RBMS3: variants seen among roughly 807,000 people sequenced by gnomAD.
The protein encoded by RBMS3 is RNA-binding motif, single-stranded-interacting protein 3.
RBMS3 carries 27 observed loss-of-function variants against 66.8 expected under a neutral mutation model. That is an observed-to-expected ratio of 0.40 (90% CI 0.30 to 0.56). The LOEUF is 0.56. RBMS3 is among the 20% of genes least tolerant of loss of function. RBMS3 has a pLI of 0.40. For synonymous variants in RBMS3, 188 were observed against 183.0 expected (o/e 1.03, Z -0.22); for missense variants, 513 against 549.5 (o/e 0.93, Z 0.66).
intron 2 of RBMS3, among the ~76,000 whole-genome samples, chr3:29,436,382 T>C (rs2041404406): frequency 6.6e-6 from 1 of 152,190 alleles, no homozygotes; most frequent in Non-Finnish European, 1.5e-5. Flanking sequence ...TGCCTTGATT[T>C]GTGAAAAAGG....
chr3:29,474,332 T>C (rs1252941053), intron 2 of RBMS3, among the ~76,000 whole-genome samples: 1 of 152,226 alleles, frequency 6.6e-6, no homozygotes, highest in Non-Finnish European at 1.5e-5. Context: ...GTTCTATTAT[T>C]AATAAGCATT....
At chr3:29,632,256 C>T (rs1317919905) in intron 4 of RBMS3, among the ~76,000 whole-genome samples, 1 of 151,746 alleles carries the variant, frequency 6.6e-6, no homozygotes, top group East Asian at 1.9e-4. Context: ...CATTTAAATA[C>T]CCAGTATGAG....
chr3:29,718,914 G>A (rs778577002), intron 4 of RBMS3, among the ~76,000 whole-genome samples: 7 of 152,206 alleles, frequency 4.6e-5, no homozygotes, highest in Non-Finnish European at 1.0e-4. Flanking sequence ...TTTAATGACA[G>A]CATTCCTCCG....
intron 5 of RBMS3, among the ~76,000 whole-genome samples, chr3:29,742,093 A>G (rs981451462): frequency 6.6e-6 from 1 of 152,182 alleles, no homozygotes; most frequent in African/African-American, 2.4e-5. Context: ...TATCTTTTCT[A>G]TACAATGAGA....
intron 6 of RBMS3, among the ~76,000 whole-genome samples, chr3:29,828,396 G>A (rs2058265726): frequency 6.6e-6 from 1 of 152,086 alleles, no homozygotes; most frequent in African/African-American, 2.4e-5. Context: ...TATGTGTACT[G>A]CTCAGTTGAT....
chr3:29,848,512 G>T (rs1160781093), intron 6 of RBMS3, among the ~76,000 whole-genome samples: 1 of 152,150 alleles, frequency 6.6e-6, no homozygotes, highest in South Asian at 2.1e-4. Context: ...AGTCCAGGGG[G>T]TTAAACAATA....
intron 4 of RBMS3, among the ~76,000 whole-genome samples, chr3:29,692,868 T>G (rs1227989366): frequency 6.6e-6 from 1 of 152,194 alleles, no homozygotes; most frequent in East Asian, 1.9e-4. Flanking sequence ...AAGTGATTAG[T>G]GTTCAAGTTT....
intron 3 of RBMS3, among the ~76,000 whole-genome samples, chr3:29,570,575 T>C (rs1432069204): frequency 1.3e-5 from 2 of 152,150 alleles, no homozygotes; most frequent in Admixed American, 6.6e-5. Flanking sequence ...GAACCTGCAA[T>C]GTCTGTTTTT....
At chr3:29,300,615 T>C (rs576415885) in intron 1 of RBMS3, among the ~76,000 whole-genome samples, 1 of 152,158 alleles carries the variant, frequency 6.6e-6, no homozygotes, top group South Asian at 2.1e-4. Context: ...TGTTTGTATC[T>C]GTATTTATTT....
chr3:29,922,470 G>A (rs2060813188), intron 10 of RBMS3, among the ~76,000 whole-genome samples: 1 of 142,244 alleles, frequency 7.0e-6, no homozygotes. Context: ...GTCCGGCCTG[G>A]GCGACAGAGC....
chr3:30,002,364 T>C (rs1163996346), intron 14 of RBMS3, among the ~76,000 whole-genome samples: 1 of 151,242 alleles, frequency 6.6e-6, no homozygotes, highest in African/African-American at 2.4e-5. Flanking sequence ...AAGATGGGAG[T>C]GAGAACAAAG....
At chr3:29,625,731 A>AAT (rs1419365752) in intron 4 of RBMS3, among the ~76,000 whole-genome samples, 4 of 150,436 alleles carry the variant, frequency 2.7e-5, no homozygotes, top group Non-Finnish European at 4.4e-5. Context: ...TAAATAAATA[A>AAT]ATAAATAAAA....
At chr3:29,828,645 T>C (rs778271226) in intron 6 of RBMS3, among the ~76,000 whole-genome samples, 1 of 152,206 alleles carries the variant, frequency 6.6e-6, no homozygotes, top group African/African-American at 2.4e-5. Context: ...GTTACAATTA[T>C]GAATTTCACA....
At chr3:29,959,857 C>T (rs548969335) in intron 12 of RBMS3, among the ~76,000 whole-genome samples, 23 of 152,166 alleles carry the variant, frequency 1.5e-4, no homozygotes, top group Non-Finnish European at 2.9e-4. Context: ...AGAGGAACTG[C>T]CCCATGATTC....
At chr3:29,445,005 C>T (rs893816783) in intron 2 of RBMS3, among the ~76,000 whole-genome samples, 28 of 151,182 alleles carry the variant, frequency 1.9e-4, no homozygotes, top group Non-Finnish European at 3.8e-4. Flanking sequence ...TGTACTGTAT[C>T]CTTAACCGAA....
intron 1 of RBMS3, among the ~76,000 whole-genome samples, chr3:29,398,537 TTC>T (rs1289218366): frequency 6.6e-6 from 1 of 152,184 alleles, no homozygotes; most frequent in African/African-American, 2.4e-5. Flanking sequence ...AGTCAGATTT[TTC>T]TGTGTGTGAT....
intron 6 of RBMS3, among the ~76,000 whole-genome samples, chr3:29,838,237 G>A (rs2058576831): frequency 6.6e-6 from 1 of 151,450 alleles, no homozygotes; most frequent in African/African-American, 2.4e-5. Context: ...TACTGAGGAG[G>A]CCAGGGTGGG....
At chr3:29,933,843 C>A (rs1235941899) in intron 10 of RBMS3, 1 of 152,124 alleles carries the variant, frequency 6.6e-6, no homozygotes, top group African/African-American at 2.4e-5. Context: ...AACACTCACT[C>A]TATGACATCT....
chr3:29,524,508 A>G (rs2045003927), intron 3 of RBMS3, among the ~76,000 whole-genome samples: 1 of 140,146 alleles, frequency 7.1e-6, no homozygotes, highest in South Asian at 2.2e-4. Context: ...GTTTACCACA[A>G]TCTCCGCCTC....
Sources: gnomAD v4.1 joint callset for allele counts (sites outside exome capture counted in the v4.1 genomes callset) on GRCh38, gnomAD v4.1.1 for gene constraint, MANE v1.5 for transcripts, NCBI Gene and HGNC (gene_info 2026-07-23, HGNC 2026-07-21) for gene names.